BARHL2: variants seen among roughly 807,000 people sequenced by gnomAD.
BARHL2 encodes barH-like 2 homeobox protein.
In BARHL2, 10 loss-of-function variants were observed where a neutral mutation model predicts 27.1. The ratio of observed to expected loss-of-function variants is 0.37; its 90% CI spans 0.23 to 0.63. The LOEUF (loss-of-function observed/expected upper bound fraction) is 0.63. Ranked by LOEUF, BARHL2 falls within the 20% of genes least tolerant of loss-of-function variation. BARHL2 has a pLI of 0.65. For synonymous variants in BARHL2, 248 were observed against 224.7 expected (o/e 1.10, Z -0.93); for missense variants, 483 against 533.5 (o/e 0.91, Z 0.93).
intron 2 of BARHL2, among the ~76,000 whole-genome samples, chr1:90,712,952 C>T (rs1178793917): frequency 1.3e-5 from 2 of 152,174 alleles, no homozygotes; most frequent in Admixed American, 1.3e-4. Context: ...GGAAACTTTC[C>T]TTAGGGCCAA....
rs878916853 is a variant in BARHL2, at chr1:90,716,686, G to C, written c.510C>G (p.Thr170=). The change falls in exon 1 of 3, where the codon ACC becomes ACG. Residue 170 remains threonine (T), a synonymous_variant. Coordinates refer to ENST00000370445, the MANE Select transcript of BARHL2 (RefSeq NM_020063.2). The part of the protein sequence containing the change: ...YSTSVSSPHH[T]PKQESNAVHE... ...GCACTGCGTTGCTCTCCTGCTTCGG[G>C]GTGTGGTGGGGAGAGGATACGCTGG... The C allele has an allele frequency of 1.2e-6, 2 of 1,612,898 alleles. No individual in the cohort carries two copies. The highest frequency in any genetic ancestry group is 2.2e-5 in the East Asian group (1 of 44,832).
chr1:90,713,074 G>C (rs1469597678), intron 2 of BARHL2, among the ~76,000 whole-genome samples: 2 of 152,076 alleles, frequency 1.3e-5, no homozygotes, highest in East Asian at 3.9e-4. Context: ...TTCCCCGCCA[G>C]GCTGTGAGAG....
chr1:90,712,893 T>C (rs1196783950), intron 2 of BARHL2, among the ~76,000 whole-genome samples: 1 of 152,162 alleles, frequency 6.6e-6, no homozygotes, highest in Non-Finnish European at 1.5e-5. Context: ...TGCTTCCTTT[T>C]CCTAAACCTC....
chr1:90,716,907 G>C lies in BARHL2; in HGVS notation c.289C>G (p.Pro97Ala). 1 of 1,591,836 alleles carries C rather than the reference G, an allele frequency of 6.3e-7. No individual in the cohort carries two copies. The highest frequency in any genetic ancestry group is 8.5e-7 in the Non-Finnish European group (1 of 1,171,810). Residue 97 changes from proline (P) to alanine (A), a missense_variant, in exon 1 of 3, where the codon CCG (proline) becomes GCG (alanine). Coordinates refer to ENST00000370445, the MANE Select transcript of BARHL2 (RefSeq NM_020063.2). The stretch of plus-strand genomic sequence containing the variant: ...AAACTTTGCGTCGGGGCCGCGGCCG[G>C]CGGCGGCGGCTGCTGGCTGTGGTGG... The part of the protein sequence containing the change: ...HLHHSQQPPP[P>A]AAAPTQSLQP...
Position 90,717,179 on chromosome 1 carries a change from G to A in BARHL2, c.17C>T (p.Ala6Val). Reference sequence around the variant, plus strand: ...GTCTATTCCAAAACTCGACCCGCTGGCCCCTTCCATTGTCATTGCTACATG... The same window carrying A: ...GTCTATTCCAAAACTCGACCCGCTGACCCCTTCCATTGTCATTGCTACATG... Reference protein sequence around the residue: MTMEGASGSSFGIDTI... With the variant: MTMEGVSGSSFGIDTI... The change falls in exon 1 of 3, where the codon GCC becomes GTC. Residue 6 changes from alanine to valine, a missense_variant. This residue lies in a region of BARHL2 where 304 missense variants were observed against 284.9 expected (regional missense o/e 1.07). Coordinates refer to ENST00000370445, the MANE Select transcript of BARHL2 (RefSeq NM_020063.2). The A allele has an allele frequency of 6.2e-7, 1 of 1,612,932 alleles. No homozygotes were observed. The highest frequency in any genetic ancestry group is 8.5e-7 in the Non-Finnish European group (1 of 1,179,726).
Position 90,717,098 on chromosome 1 carries a change from C to T in BARHL2, c.98G>A (p.Arg33His), listed in dbSNP as rs1381362390. The T allele has an allele frequency of 6.2e-7, 1 of 1,613,722 alleles. No homozygotes were observed. Among genetic ancestry groups the T allele is most frequent in the South Asian group, 1.1e-5 (1 of 91,020 alleles). The change falls in exon 1 of 3, where the codon CGC becomes CAC. Residue 33 changes from arginine to histidine, a missense_variant. Physicochemically the swap from Arg to His is conservative, Grantham distance 29 (BLOSUM62 0). This residue lies in a region of BARHL2 where 304 missense variants were observed against 284.9 expected (regional missense o/e 1.07). Transcript: ENST00000370445. ...CGCGGTCCTGGCCTCACCGAGCGGG[C>T]GGAAATCTCCATTCATCATGCCTGG... ...GSPGMMNGDF[R>H]PLGEARTADF...
At chr1:90,716,502 G>T in intron 1 of BARHL2, 69 bp downstream of exon 1, 1 of 1,511,712 alleles carries the variant, frequency 6.6e-7, no homozygotes, top group Non-Finnish European at 9.2e-7. Flanking sequence ...ATCTGCTGAA[G>T]GCTGAAGGGG....
rs1658158848 is a variant in BARHL2, at chr1:90,716,845, T to G, written c.351A>C (p.Pro117=). 2 of 1,553,704 alleles carry G rather than the reference T, an allele frequency of 1.3e-6. No homozygotes were observed. Among genetic ancestry groups the G allele is most frequent in the Admixed American group, 2.0e-5 (1 of 51,182 alleles). Residue 117 remains proline, a synonymous_variant, in exon 1 of 3, where the codon CCA becomes CCC. Coordinates refer to ENST00000370445, the MANE Select transcript of BARHL2 (RefSeq NM_020063.2). ...GGGGGGGCGGCGGCGGCGGCTGCTG[T>G]GGCGGCAGCGGCTGCTGCTGTTGGG... The part of the protein sequence containing the change: ...PLPQQQQPLP[P]QQPPPPPPQQ...
At chr1:90,715,570 T>C (rs1246981870) in intron 1 of BARHL2, among the ~76,000 whole-genome samples, 1 of 152,160 alleles carries the variant, frequency 6.6e-6, no homozygotes, top group Non-Finnish European at 1.5e-5. Flanking sequence ...GCACAAAAAA[T>C]CGCCAGACCA....
chr1:90,711,933 T>G lies in BARHL2; in HGVS notation c.*379A>C, dbSNP rs372439576. ...GCTGTTTCCGCTCCGTGCCCTTCTT[T>G]CTTCCCTCCTTAGCCCTCCCCCCTC... On this transcript the variant is annotated 3_prime_UTR_variant, in exon 3 of 3. Coordinates refer to ENST00000370445, the MANE Select transcript of BARHL2 (RefSeq NM_020063.2). 6.2e-6 allele frequency: 1 copy of G among 160,432 alleles called. No homozygotes were observed. Among genetic ancestry groups the G allele is most frequent in the Non-Finnish European group, 1.4e-5 (1 of 73,782 alleles). The allele number at this position is 160,432 out of a possible 1,614,324, so 9.9% of individuals were successfully genotyped here.
In BARHL2 at chr1:90,711,721, A is replaced by G. The variant is rs1364438493; in HGVS notation, c.*591T>C. ...AAATATGATATATCACTTATCACTC[A>G]GTCTTTCAAATGTACATTTTTTTCA... On this transcript the variant is annotated 3_prime_UTR_variant, in exon 3 of 3. Coordinates refer to ENST00000370445, the MANE Select transcript of BARHL2 (RefSeq NM_020063.2). 1 of 152,180 alleles carries G rather than the reference A, an allele frequency of 6.6e-6. No individual in the cohort carries two copies. The highest frequency in any genetic ancestry group is 6.5e-5 in the Admixed American group (1 of 15,284). 9.4% of individuals were successfully genotyped at this position (152,180 alleles called of 1,614,324 possible).
Position 90,712,666 on chromosome 1 carries a change from A to G in BARHL2, c.852-42T>C, listed in dbSNP as rs769012357. ...GTGCAGGCACCCAGCAGCTGTGGGCATGGTCCAGGCACCAAGACCCGGCCC... is the reference window on the plus strand; with the variant it reads ...GTGCAGGCACCCAGCAGCTGTGGGCGTGGTCCAGGCACCAAGACCCGGCCC... On this transcript the variant is annotated intron_variant, in intron 2 of 2. Coordinates refer to ENST00000370445, the MANE Select transcript of BARHL2 (RefSeq NM_020063.2). The G allele has an allele frequency of 1.9e-6, 3 of 1,549,208 alleles. No homozygotes were observed. In the East Asian group the frequency reaches 6.9e-5, roughly 36 times the overall value.
chr1:90,717,230 C>CTTTCTT lies in BARHL2; in HGVS notation c.-36_-35insAAGAAA. ...AGGTCCACGCCACTCCGCCGTTCAGCAGCCGCCCCGAACCAGCGAAGAAAG... is the reference window on the plus strand; with the variant it reads ...AGGTCCACGCCACTCCGCCGTTCAGCTTTCTTAGCCGCCCCGAACCAGCGAAGAAAG... On this transcript the variant is annotated 5_prime_UTR_variant, in exon 1 of 3. Transcript: ENST00000370445. The CTTTCTT allele has an allele frequency of 6.3e-7, 1 of 1,588,102 alleles. No individual in the cohort carries two copies. The highest frequency in any genetic ancestry group is 8.5e-7 in the Non-Finnish European group (1 of 1,171,862).
chr1:90,711,670 G>A lies in BARHL2; in HGVS notation c.*642C>T, dbSNP rs930914754. The A allele has an allele frequency of 1.3e-4, 20 of 152,256 alleles. No homozygotes were observed. The highest frequency in any genetic ancestry group is 4.8e-4 in the African/African-American group (20 of 41,540). 9.4% of individuals were successfully genotyped at this position (152,256 alleles called of 1,614,324 possible). On this transcript the variant is annotated 3_prime_UTR_variant, in exon 3 of 3. Coordinates refer to ENST00000370445, the MANE Select transcript of BARHL2 (RefSeq NM_020063.2). ...ATCATGTTTTTACTAACGTATATAA[G>A]TGACTCTTTTTGGACAACATATAAT...
chr1:90,717,161 C>G lies in BARHL2; in HGVS notation c.35G>C (p.Gly12Ala). Residue 12 changes from glycine to alanine, a missense_variant, in exon 1 of 3, where the codon GGA (glycine) becomes GCA (alanine). Transcript: ENST00000370445. ...TMEGASGSSFGIDTILSSASS... is the reference protein window; with the variant it reads ...TMEGASGSSFAIDTILSSASS... ...GGCACTGGACAAAATCGTGTCTATT[C>G]CAAAACTCGACCCGCTGGCCCCTTC... The G allele has an allele frequency of 6.2e-7, 1 of 1,613,592 alleles. No homozygotes were observed. Among genetic ancestry groups the G allele is most frequent in the East Asian group, 2.2e-5 (1 of 44,812 alleles).
chr1:90,717,148 A>T lies in BARHL2; in HGVS notation c.48T>A (p.Ile16=), dbSNP rs751652747. 18 of 1,613,668 alleles carry T rather than the reference A, an allele frequency of 1.1e-5. No homozygotes were observed. In the South Asian group the frequency reaches 1.9e-4, roughly 17 times the overall value. ...ASGSSFGIDT[I]LSSASSGSPG... ...GGCTGCCTGAACTGGCACTGGACAA[A>T]ATCGTGTCTATTCCAAAACTCGACC... The change falls in exon 1 of 3, where the codon ATT becomes ATA. Residue 16 remains isoleucine, a synonymous_variant. Transcript: ENST00000370445.
At position 90,717,082 on chromosome 1, in the gene BARHL2, G is replaced by A; in HGVS notation, c.114C>T (p.Ala38=). The part of the protein sequence containing the change: ...MNGDFRPLGE[A]RTADFRSQAT... ...CCTGACTCCTAAAATCCGCGGTCCT[G>A]GCCTCACCGAGCGGGCGGAAATCTC... The change falls in exon 1 of 3, where the codon GCC becomes GCT. Residue 38 remains alanine (A), a synonymous_variant. Transcript: ENST00000370445. 6.2e-7 allele frequency: 1 copy of A among 1,613,982 alleles called. No individual in the cohort carries two copies.
Position 90,716,929 on chromosome 1 carries a change from G to C in BARHL2, c.267C>G (p.His89Gln). Residue 89 changes from histidine to glutamine, a missense_variant, in exon 1 of 3, where the codon CAC (histidine) becomes CAG (glutamine). By Grantham distance (24) the His-to-Gln change is conservative (BLOSUM62 0). Around this residue, in one of 3 missense-constraint regions of BARHL2, gnomAD observed 304 missense variants for 284.9 expected, o/e 1.07. Transcript: ENST00000370445. ...CCGGCGGCGGCGGCTGCTGGCTGTGGTGGAGGTGGTGATGATGCTGGGTCG... is the reference window on the plus strand; with the variant it reads ...CCGGCGGCGGCGGCTGCTGGCTGTGCTGGAGGTGGTGATGATGCTGGGTCG... ...ADATQHHHHL[H>Q]HSQQPPPPAA... The C allele has an allele frequency of 6.2e-7, 1 of 1,611,248 alleles. No individual in the cohort carries two copies. Among genetic ancestry groups the C allele is most frequent in the Admixed American group, 1.7e-5 (1 of 59,812 alleles).
In BARHL2 at chr1:90,712,466, A is replaced by T. The variant is rs1047412884; in HGVS notation, c.1010T>A (p.Met337Lys). 1.2e-6 allele frequency: 2 copies of T among 1,612,878 alleles called. No individual in the cohort carries two copies. The highest frequency in any genetic ancestry group is 2.2e-5 in the East Asian group (1 of 44,838). ...AGGAGTCCGGTACATGCTGCTGTAC[A>T]TGGCAGCGGCAGCCGCCGCCGCCGT... ...STTAAAAAAA[M>K]YSSMYRTPPA... The change falls in exon 3 of 3, where the codon ATG (methionine) becomes AAG (lysine). Residue 337 changes from methionine (M) to lysine (K), a missense_variant. Physicochemically the swap from Met to Lys is moderately conservative, Grantham distance 95. Coordinates refer to ENST00000370445, the MANE Select transcript of BARHL2 (RefSeq NM_020063.2).
Sources: gnomAD v4.1 joint callset for allele counts (sites outside exome capture counted in the v4.1 genomes callset) on GRCh38, gnomAD v4.1.1 for gene constraint, gnomAD v4.1.1 regional missense constraint, MANE v1.5 for transcripts, NCBI Gene and HGNC (gene_info 2026-07-23, HGNC 2026-07-21) for gene names.